Variants in TTLL9 observed in about 807,000 individuals in gnomAD.
The protein encoded by TTLL9 is probable tubulin polyglutamylase TTLL9.
In TTLL9, 47 loss-of-function variants were observed where a neutral mutation model predicts 65.6. The ratio of observed to expected loss-of-function variants is 0.72; its 90% CI spans 0.57 to 0.91. The LOEUF (loss-of-function observed/expected upper bound fraction) is 0.91, where lower values mean the gene tolerates loss of function less well. Among genes scored for constraint, TTLL9 ranks in the 40% least tolerant of loss-of-function variants. The pLI is 0.00. For synonymous variants in TTLL9, 179 were observed against 204.8 expected (o/e 0.87, Z 1.07); for missense variants, 537 against 568.8 (o/e 0.94, Z 0.57).
chr20:31,897,395 G>C (rs1390105813), intron 3 of TTLL9, among the ~76,000 whole-genome samples: 1 of 152,130 alleles, frequency 6.6e-6, no homozygotes, highest in East Asian at 1.9e-4. Context: ...CCTCATATTG[G>C]GTAGTTGAGT....
intron 11 of TTLL9, chr20:31,934,349 A>G (rs1436442684): frequency 1.9e-6 from 1 of 526,078 alleles, no homozygotes; most frequent in South Asian, 1.5e-5. Context: ...GCCCTTGTGC[A>G]TACACAGCCC....
At chr20:31,906,592 A>C (rs2063562848) in intron 4 of TTLL9, among the ~76,000 whole-genome samples, 1 of 152,104 alleles carries the variant, frequency 6.6e-6, no homozygotes, top group Non-Finnish European at 1.5e-5. Context: ...TTTAAAACTC[A>C]GCCTACTTGT....
At position 31,925,063 on chromosome 20, in the gene TTLL9, G is replaced by C. The variant is rs757443912; in HGVS notation, c.705+14G>C. The C allele has an allele frequency of 6.2e-7, 1 of 1,613,922 alleles. No homozygotes were observed. The highest frequency in any genetic ancestry group is 8.5e-7 in the Non-Finnish European group (1 of 1,179,986). ...CTGGTGATGTCGGTGAGTAACAAAG[G>C]TGGGGGCCCTCCTCCAGCAGGGGTT... On this transcript the variant is annotated intron_variant, in intron 9 of 14. Coordinates refer to ENST00000535842, the MANE Select transcript of TTLL9 (RefSeq NM_001008409.5).
chr20:31,890,206 T>C (rs952558801), intron 3 of TTLL9, among the ~76,000 whole-genome samples: 1 of 146,014 alleles, frequency 6.8e-6, no homozygotes, highest in Non-Finnish European at 1.5e-5. Context: ...TCTTTCTCTT[T>C]CTTTCATCAA....
At chr20:31,927,945 C>A (rs1182683521) in intron 10 of TTLL9, among the ~76,000 whole-genome samples, 1 of 151,970 alleles carries the variant, frequency 6.6e-6, no homozygotes, top group Non-Finnish European at 1.5e-5. Flanking sequence ...TTGTTTTTTT[C>A]TATTTTGCCA....
intron 6 of TTLL9, among the ~76,000 whole-genome samples, chr20:31,918,965 A>G (rs1400788284): frequency 2.0e-5 from 3 of 152,078 alleles, no homozygotes; most frequent in South Asian, 4.1e-4. Flanking sequence ...GCAGCCCTGC[A>G]TGCCCCTATC....
chr20:31,909,593 T>C, intron 5 of TTLL9, 144 bp from the exon 6 acceptor site: 1 of 688,398 alleles, frequency 1.5e-6, no homozygotes, highest in Non-Finnish European at 2.4e-6. Context: ...TAGCAAGCTC[T>C]TTCTGGGTCA....
intron 6 of TTLL9, among the ~76,000 whole-genome samples, chr20:31,911,571 T>A (rs909910626): frequency 6.6e-6 from 1 of 152,208 alleles, no homozygotes; most frequent in East Asian, 1.9e-4. Context: ...GCATCTCTGG[T>A]GTCCAGGGAA....
chr20:31,879,891 A>C, intron 2 of TTLL9: 4 of 1,550,328 alleles, frequency 2.6e-6, no homozygotes, highest in Non-Finnish European at 3.5e-6. Context: ...TTATGTCGCG[A>C]CCGAAGGTAG....
Position 31,885,403 on chromosome 20 carries a change from G to A in TTLL9, c.70-1793G>A, listed in dbSNP as rs2063175363. ...CCACGTATGCATGGTCAATTGAATT[G>A]TGACAGACGTGCCAATGCAATTCAA... On this transcript the variant is annotated intron_variant, in intron 2 of 14. Coordinates refer to ENST00000535842, the MANE Select transcript of TTLL9 (RefSeq NM_001008409.5). Among the ~76,000 whole-genome samples, 2 of 152,130 alleles carry A rather than the reference G, an allele frequency of 1.3e-5. 1 individual carries two copies. The highest frequency in any genetic ancestry group is 3.8e-4 in the East Asian group (2 of 5,200).
rs1019004782 is a variant in TTLL9, at chr20:31,943,938, C to T, written c.*917C>T. ...ACAAGACTCGGGGCTGTTGGGGTAA[C>T]TGTTCCAGGGGGGACTTACTCCCTC... On this transcript the variant is annotated 3_prime_UTR_variant, in exon 15 of 15. Coordinates refer to ENST00000535842, the MANE Select transcript of TTLL9 (RefSeq NM_001008409.5). 23 of 424,718 alleles carry T rather than the reference C, an allele frequency of 5.4e-5. No individual in the cohort carries two copies. Among genetic ancestry groups the T allele is most frequent in the South Asian group, 3.9e-4 (23 of 58,754 alleles). The allele number at this position is 424,718 out of a possible 1,614,324, so 26.3% of individuals were successfully genotyped here.
intron 6 of TTLL9, among the ~76,000 whole-genome samples, chr20:31,916,366 G>A (rs957147302): frequency 1.3e-4 from 20 of 152,182 alleles, no homozygotes; most frequent in Admixed American, 1.0e-3. Context: ...AAATATTGTC[G>A]TGGTTGTTTT....
intron 14 of TTLL9, chr20:31,941,144 G>A (rs1395458879): frequency 4.0e-5 from 6 of 151,402 alleles, no homozygotes; most frequent in African/African-American, 9.7e-5. Flanking sequence ...GTGAACCCGG[G>A]AGGCGGAGCT....
intron 2 of TTLL9, chr20:31,872,875 G>C: frequency 2.3e-6 from 1 of 437,496 alleles, no homozygotes; most frequent in Non-Finnish European, 4.6e-6. Flanking sequence ...GAGCATGCAG[G>C]AGCACATATG....
At chr20:31,935,237 G>A (rs2064090701) in intron 12 of TTLL9, among the ~76,000 whole-genome samples, 1 of 152,180 alleles carries the variant, frequency 6.6e-6, no homozygotes, top group Non-Finnish European at 1.5e-5. Context: ...AAGATGCAAA[G>A]AGCCATATAA....
At chr20:31,924,851 A>G (rs1268977319) in intron 8 of TTLL9, among the ~76,000 whole-genome samples, 158 bp from the exon 9 acceptor site, 1 of 152,230 alleles carries the variant, frequency 6.6e-6, no homozygotes, top group Non-Finnish European at 1.5e-5. Context: ...TGTTGGGATC[A>G]CAGGCATGAG....
At chr20:31,873,857 AAAGAAAGAAAGAAAG>A (rs1280478052) in intron 2 of TTLL9, among the ~76,000 whole-genome samples, 1 of 150,308 alleles carries the variant, frequency 6.7e-6, no homozygotes, top group African/African-American at 2.5e-5. Context: ...AGAAAGAAAG[AAAGAAAGAAAGAAAG>A]AAAGAAAGAA....
intron 2 of TTLL9, among the ~76,000 whole-genome samples, chr20:31,871,652 A>G (rs2123341141): frequency 6.6e-6 from 1 of 152,312 alleles, no homozygotes; most frequent in Admixed American, 6.5e-5. Flanking sequence ...CATAGCATAC[A>G]TGGGGCTGCC....
intron 2 of TTLL9, among the ~76,000 whole-genome samples, chr20:31,873,850 AAGAAAGAAAG>A (rs2062998753): frequency 6.7e-6 from 1 of 149,478 alleles, no homozygotes; most frequent in African/African-American, 2.5e-5. Flanking sequence ...GAAAGAAAGA[AAGAAAGAAAG>A]AAAGAAAGAA....
Sources: gnomAD v4.1 joint callset for allele counts (sites outside exome capture counted in the v4.1 genomes callset) on GRCh38, gnomAD v4.1.1 for gene constraint, MANE v1.5 for transcripts, NCBI Gene and HGNC (gene_info 2026-07-23, HGNC 2026-07-21) for gene names.